KAT6B: variants seen among roughly 807,000 people sequenced by gnomAD.
KAT6B encodes the protein histone acetyltransferase KAT6B.
Under a neutral mutation model 187.5 loss-of-function variants are expected in KAT6B, and 10 were observed. The observed-to-expected ratio is 0.05, with a 90% CI of 0.03 to 0.09. The LOEUF (loss-of-function observed/expected upper bound fraction) is 0.09, where lower values mean the gene tolerates loss of function less well. Ranked by LOEUF, KAT6B falls within the 10% of genes least tolerant of loss-of-function variation. The probability of loss-of-function intolerance (pLI) is 1.00; values close to 1 mark genes in which losing one functional copy is unlikely to be tolerated. For missense variants in KAT6B, 1,952 were observed against 2,558.9 expected, an observed-to-expected ratio of 0.76 and a Z score of 5.12; for synonymous variants, 861 against 926.8, an observed-to-expected ratio of 0.93 and a Z score of 1.29.
rs373785962 is a variant in KAT6B at position 74,925,234 on chromosome 10, G to T, written c.622-34736G>T. ...TTTTGTATTATTTAGTAGAGACAGG[G>T]TTTTGCCATGTTGGCCAGGCTGGTC... is the stretch of plus-strand genomic sequence containing the variant. On this transcript the variant is annotated intron_variant, in intron 3 of 17. Coordinates refer to ENST00000287239, the MANE Select transcript of KAT6B (RefSeq NM_012330.4). Among the ~76,000 whole-genome samples, 30 of 152,048 alleles carry T rather than the reference G, an allele frequency of 2.0e-4. 1 individual carries two copies. The highest frequency in any genetic ancestry group is 1.9e-4 in the African/African-American group (8 of 41,386).
rs370545191 is a variant in KAT6B at position 74,979,365 on chromosome 10, A to G, written c.2231+26A>G. 7.8e-6 allele frequency: 11 copies of G among 1,412,142 alleles called. No individual in the cohort carries two copies. The African/African-American group carries it at 1.3e-4, about 16-fold the overall frequency. 87.5% of individuals were successfully genotyped at this position (1,412,142 alleles called of 1,614,324 possible). On this transcript the variant is annotated intron_variant, in intron 10 of 17. Transcript: ENST00000287239. ...GTAATGGAATAAGTCTGGCAGGTGT[A>G]TAACTTGAATGTCACATATGTGAGA...
chr10:74,918,237 G>T (rs1384719151), intron 3 of KAT6B, among the ~76,000 whole-genome samples: 1 of 152,146 alleles, frequency 6.6e-6, no homozygotes, highest in Non-Finnish European at 1.5e-5. Flanking sequence ...TATATGGCAG[G>T]CACTGTTTGA....
At chr10:74,976,412 C>T in intron 8 of KAT6B, 82 bp downstream of exon 8, 1 of 1,127,560 alleles carries the variant, frequency 8.9e-7, no homozygotes. Flanking sequence ...CCAATCAATT[C>T]CTATTTGTCA....
At chr10:75,006,456 T>C (rs1844208000) in intron 13 of KAT6B, among the ~76,000 whole-genome samples, 1 of 152,190 alleles carries the variant, frequency 6.6e-6, no homozygotes, top group African/African-American at 2.4e-5. Flanking sequence ...TTTTAAATTT[T>C]TAAAAATTTT....
At chr10:74,828,457 G>GT (rs11350370) in intron 1 of KAT6B, among the ~76,000 whole-genome samples, 5 of 147,122 alleles carry the variant, frequency 3.4e-5, no homozygotes, top group Admixed American at 2.7e-4. Flanking sequence ...GGTTTTTTGT[G>GT]TTTTTTTTTT....
chr10:75,001,032 T>C (rs113321442), intron 13 of KAT6B, among the ~76,000 whole-genome samples: 46 of 152,224 alleles, frequency 3.0e-4, no homozygotes, highest in African/African-American at 1.0e-3. Context: ...TCCCCTTTTT[T>C]AGAAATGATA....
At chr10:74,882,912 C>T (rs1844957216) in intron 3 of KAT6B, among the ~76,000 whole-genome samples, 1 of 152,092 alleles carries the variant, frequency 6.6e-6, no homozygotes, top group Non-Finnish European at 1.5e-5. Context: ...AGTAACTTGC[C>T]TATAGTGTAT....
At chr10:75,024,801 A>ATCCC (rs1404504947) in intron 16 of KAT6B, among the ~76,000 whole-genome samples, 157 bp from the exon 17 acceptor site, 1 of 152,138 alleles carries the variant, frequency 6.6e-6, no homozygotes, top group East Asian at 1.9e-4. Context: ...CCCGAGAGGG[A>ATCCC]TGTTAGACAT....
At chr10:74,831,255 A>G (rs1047084753) in intron 1 of KAT6B, among the ~76,000 whole-genome samples, 4 of 152,114 alleles carry the variant, frequency 2.6e-5, no homozygotes, top group Admixed American at 6.6e-5. Flanking sequence ...TGTGTTGCAA[A>G]TACTGTGGCT....
At chr10:74,830,014 C>T (rs1233491062) in intron 1 of KAT6B, among the ~76,000 whole-genome samples, 1 of 125,512 alleles carries the variant, frequency 8.0e-6, no homozygotes, top group African/African-American at 3.7e-5. Context: ...GAGACTCTGT[C>T]TCAAAAAAAA....
intron 1 of KAT6B, among the ~76,000 whole-genome samples, chr10:74,834,299 G>C (rs1205708782): frequency 6.6e-6 from 1 of 151,604 alleles, no homozygotes; most frequent in Admixed American, 6.6e-5. Flanking sequence ...CGGGGTTCAA[G>C]CAATTCCCCT....
chr10:74,863,285 T>C (rs1397918749), intron 3 of KAT6B, among the ~76,000 whole-genome samples: 2 of 152,218 alleles, frequency 1.3e-5, no homozygotes, highest in African/African-American at 4.8e-5. Context: ...TTTCTAAATT[T>C]AAAATCTGTT....
Position 74,981,334 on chromosome 10 carries a change from C to CCTTT in KAT6B, c.2232-450_2232-449insTCTT, listed in dbSNP as rs1385173386. On this transcript the variant is annotated intron_variant, in intron 10 of 17. Transcript: ENST00000287239. ...TCCTTCCTTCCTTCCTTCCTTCCTTCCTTCCTTTCTTCCTTTCTTTCCTTT... is the reference window on the plus strand; with the variant it reads ...TCCTTCCTTCCTTCCTTCCTTCCTTCCTTTCTTCCTTTCTTCCTTTCTTTCCTTT... Among the ~76,000 whole-genome samples the CCTTT allele has an allele frequency of 7.2e-3, 1,051 of 146,198 alleles. 5 individuals are homozygous for CCTTT. Among genetic ancestry groups the CCTTT allele is most frequent in the Middle Eastern group, 0.011 (3 of 280 alleles).
intron 3 of KAT6B, among the ~76,000 whole-genome samples, chr10:74,857,450 C>G (rs775360524): frequency 6.6e-6 from 1 of 152,198 alleles, no homozygotes; most frequent in Non-Finnish European, 1.5e-5. Flanking sequence ...ACAGCCTGGA[C>G]AGTTTTTCAG....
At chr10:74,967,147 A>C (rs1589722009) in intron 4 of KAT6B, among the ~76,000 whole-genome samples, 1 of 152,182 alleles carries the variant, frequency 6.6e-6, no homozygotes, top group South Asian at 2.1e-4. Context: ...TAACACAGTG[A>C]AACCCTGTCT....
intron 3 of KAT6B, among the ~76,000 whole-genome samples, chr10:74,927,452 C>CTTT (rs11479404): frequency 1.7e-5 from 2 of 116,688 alleles, no homozygotes; most frequent in African/African-American, 3.4e-5. Context: ...TGCAAGAAAC[C>CTTT]TTTTTTTTTT....
chr10:74,853,829 C>T (rs1488491433), intron 3 of KAT6B, among the ~76,000 whole-genome samples: 1 of 150,294 alleles, frequency 6.7e-6, no homozygotes, highest in East Asian at 2.0e-4. Flanking sequence ...GGGGGTTTCA[C>T]CATATTGGCC....
At chr10:75,024,882 A>G in intron 16 of KAT6B, 76 bp from the exon 17 acceptor site, 1 of 1,335,006 alleles carries the variant, frequency 7.5e-7, no homozygotes. Flanking sequence ...CGCGTTCAGT[A>G]CATGTCTACT....
intron 3 of KAT6B, among the ~76,000 whole-genome samples, chr10:74,884,592 G>C (rs574846689): frequency 6.6e-6 from 1 of 151,348 alleles, no homozygotes; most frequent in East Asian, 1.9e-4. Context: ...TTTTGGAGAC[G>C]GAGTTTCACT....
Sources: gnomAD v4.1 joint callset for allele counts (sites outside exome capture counted in the v4.1 genomes callset) on GRCh38, gnomAD v4.1.1 for gene constraint, MANE v1.5 for transcripts, NCBI Gene and HGNC (gene_info 2026-07-23, HGNC 2026-07-21) for gene names.